XRCC2: variants seen among roughly 807,000 people sequenced by gnomAD.
XRCC2 encodes X-ray repair cross complementing 2.
Under a neutral mutation model 27.3 loss-of-function variants are expected in XRCC2, and 24 were observed. That is an observed-to-expected ratio of 0.88 (90% CI 0.64 to 1.24). The LOEUF is 1.24. Among genes scored for constraint, XRCC2 ranks in the 50% most tolerant of loss-of-function variants. The pLI is 0.00. For synonymous variants in XRCC2, 106 were observed against 115.4 expected, an observed-to-expected ratio of 0.92 and a Z score of 0.52; for missense variants, 321 against 325.8, an observed-to-expected ratio of 0.99 and a Z score of 0.11.
Position 152,676,095 on chromosome 7 carries a change from G to A in XRCC2, c.-16C>T, listed in dbSNP as rs1229277495. 5 of 1,613,604 alleles carry A rather than the reference G, an allele frequency of 3.1e-6. No individual in the cohort carries two copies. Among genetic ancestry groups the A allele is most frequent in the Non-Finnish European group, 4.2e-6 (5 of 1,179,804 alleles). ...CACTACACATCGCCCCGAAGGCTCGGCGCAGGAGAGACTCAACTTTCCCGC... is the reference window on the plus strand; with the variant it reads ...CACTACACATCGCCCCGAAGGCTCGACGCAGGAGAGACTCAACTTTCCCGC... On this transcript the variant is annotated 5_prime_UTR_variant, in exon 1 of 3. Coordinates refer to ENST00000359321, the MANE Select transcript of XRCC2 (RefSeq NM_005431.2).
At chr7:152,657,966 T>TTTTGTTTTTTC (rs1441944509) in intron 2 of XRCC2, among the ~76,000 whole-genome samples, 1 of 123,354 alleles carries the variant, frequency 8.1e-6, no homozygotes, top group African/African-American at 2.9e-5. Flanking sequence ...CTTTGTTTTT[T>TTTTGTTTTTTC]TTTTTCTTTT....
chr7:152,660,439 A>G (rs142134931), intron 2 of XRCC2, among the ~76,000 whole-genome samples: 443 of 152,344 alleles, frequency 2.9e-3, no homozygotes, highest in African/African-American at 0.01. Flanking sequence ...AAACTATAAT[A>G]ACAGGACTTG....
At chr7:152,652,446 G>C (rs965332106) in intron 2 of XRCC2, among the ~76,000 whole-genome samples, 1 of 152,034 alleles carries the variant, frequency 6.6e-6, no homozygotes, top group Non-Finnish European at 1.5e-5. Flanking sequence ...TCCCTCTCCT[G>C]CTCCCATAGA....
intron 1 of XRCC2, among the ~76,000 whole-genome samples, chr7:152,666,951 C>T (rs1413035828): frequency 1.3e-5 from 2 of 151,956 alleles, no homozygotes; most frequent in East Asian, 1.9e-4. Context: ...AGAAAGAGCA[C>T]GTGGAAACAA....
In XRCC2 at chr7:152,648,386, G is replaced by T; in HGVS notation, c.*256C>A. 1 of 248,210 alleles carries T rather than the reference G, an allele frequency of 4.0e-6. No individual in the cohort carries two copies. 15.4% of individuals were successfully genotyped at this position (248,210 alleles called of 1,614,324 possible). On this transcript the variant is annotated 3_prime_UTR_variant, in exon 3 of 3. Coordinates refer to ENST00000359321, the MANE Select transcript of XRCC2 (RefSeq NM_005431.2). ...TGTGCCACTGCACTCCAGCAGCCTG[G>T]GAGACAGAGTAAGACTGTTTCAAAA...
intron 1 of XRCC2, among the ~76,000 whole-genome samples, chr7:152,663,646 C>T (rs1039637386): frequency 6.6e-6 from 1 of 152,134 alleles, no homozygotes; most frequent in African/African-American, 2.4e-5. Context: ...TAAGACCAGC[C>T]TGGGAAACAT....
At position 152,645,620 on chromosome 7, in the gene XRCC2, T is replaced by C. The variant is rs1247456532; in HGVS notation, c.*3022A>G. 1.3e-5 allele frequency: 2 copies of C among 152,262 alleles called. No homozygotes were observed. The highest frequency in any genetic ancestry group is 1.9e-4 in the East Asian group (1 of 5,208). 9.4% of individuals were successfully genotyped at this position (152,262 alleles called of 1,614,324 possible). A position where few individuals can be genotyped will look rare whatever the true frequency, so the allele number is the denominator to read the frequency against. On this transcript the variant is annotated 3_prime_UTR_variant, in exon 3 of 3. Coordinates refer to ENST00000359321, the MANE Select transcript of XRCC2 (RefSeq NM_005431.2). ...TGCTTTTTCATTTTCCTTGCTTTAC[T>C]GTGTTGACACTTTCAGTACAATGTT...
At chr7:152,659,640 G>A (rs1385801921) in intron 2 of XRCC2, among the ~76,000 whole-genome samples, 3 of 127,064 alleles carry the variant, frequency 2.4e-5, no homozygotes, top group African/African-American at 9.9e-5. Context: ...TTATCAAAAA[G>A]ACAGACAATA....
chr7:152,650,554 G>A (rs924330472), intron 2 of XRCC2, among the ~76,000 whole-genome samples: 1 of 152,178 alleles, frequency 6.6e-6, no homozygotes, highest in Non-Finnish European at 1.5e-5. Context: ...GAAACACTAT[G>A]TTAAAATGCC....
chr7:152,660,181 G>A (rs2098032472), intron 2 of XRCC2, among the ~76,000 whole-genome samples: 1 of 152,076 alleles, frequency 6.6e-6, no homozygotes, highest in Non-Finnish European at 1.5e-5. Flanking sequence ...GCTTCTTTAC[G>A]GGGAGATAAA....
intron 2 of XRCC2, among the ~76,000 whole-genome samples, chr7:152,652,305 A>G (rs1449037236): frequency 6.6e-6 from 1 of 151,994 alleles, no homozygotes; most frequent in Non-Finnish European, 1.5e-5. Flanking sequence ...GCCCTCTCTT[A>G]CTATGTTACT....
chr7:152,650,810 T>G (rs961844217), intron 2 of XRCC2, among the ~76,000 whole-genome samples: 1 of 151,952 alleles, frequency 6.6e-6, no homozygotes, highest in Admixed American at 6.6e-5. Context: ...CACTTGAACC[T>G]GGGAGACAGA....
intron 1 of XRCC2, among the ~76,000 whole-genome samples, chr7:152,668,977 CTG>C (rs2098037084): frequency 1.3e-5 from 2 of 152,142 alleles, no homozygotes; most frequent in African/African-American, 4.8e-5. Flanking sequence ...ATCAAGATCT[CTG>C]TGATTCTCAA....
At position 152,663,346 on chromosome 7, in the gene XRCC2, T is replaced by TAAAAAAAAAAAAAAAAA. The variant is rs530664762; in HGVS notation, c.40-2581_40-2565dup. On this transcript the variant is annotated intron_variant, in intron 1 of 2. Transcript: ENST00000359321. ...GCTTTACGTAAGAATGTCTTTGAAGTAAAAAAAAAAAAAAAAAAAAAAAAA... is the reference window on the plus strand; with the variant it reads ...GCTTTACGTAAGAATGTCTTTGAAGTAAAAAAAAAAAAAAAAAAAAAAAAAAAAAAAAAAAAAAAAAA... 1.1e-3 allele frequency among the ~76,000 whole-genome samples: 92 copies of TAAAAAAAAAAAAAAAAA among 80,900 alleles called. 9 individuals are homozygous for TAAAAAAAAAAAAAAAAA. Among genetic ancestry groups the TAAAAAAAAAAAAAAAAA allele is most frequent in the Non-Finnish European group, 1.7e-3 (70 of 40,468 alleles). 53.1% of individuals were successfully genotyped at this position (80,900 alleles called of 152,430 possible).
At chr7:152,652,038 G>A (rs2098028745) in intron 2 of XRCC2, among the ~76,000 whole-genome samples, 2 of 151,768 alleles carry the variant, frequency 1.3e-5, no homozygotes, top group African/African-American at 4.8e-5. Flanking sequence ...GGGCGTGGTA[G>A]CATGTGCCTA....
Position 152,649,250 on chromosome 7 carries a change from A to G in XRCC2, c.235T>C (p.Leu79=). 3 of 1,613,830 alleles carry G rather than the reference A, an allele frequency of 1.9e-6. No homozygotes were observed. The highest frequency in any genetic ancestry group is 2.5e-6 in the Non-Finnish European group (3 of 1,180,024). ...AAGTGGTAATCTGTATCAATAAATA[A>G]GACTTCTACTTCCAGGCCACCTTCT... ...KSEGGLEVEV[L]FIDTDYHFDM... Residue 79 remains leucine (L), a synonymous_variant, in exon 3 of 3, where the codon TTA becomes CTA. Coordinates refer to ENST00000359321, the MANE Select transcript of XRCC2 (RefSeq NM_005431.2).
At chr7:152,655,699 T>C (rs1239976310) in intron 2 of XRCC2, among the ~76,000 whole-genome samples, 1 of 151,012 alleles carries the variant, frequency 6.6e-6, no homozygotes, top group African/African-American at 2.4e-5. Context: ...GCAACAAGAG[T>C]GAGACCCTGT....
chr7:152,667,045 C>G (rs1277514109), intron 1 of XRCC2, among the ~76,000 whole-genome samples: 1 of 152,182 alleles, frequency 6.6e-6, no homozygotes, highest in African/African-American at 2.4e-5. Flanking sequence ...ATTGTTTACT[C>G]TTACTGTCAT....
Position 152,648,588 on chromosome 7 carries a change from G to A in XRCC2, c.*54C>T, listed in dbSNP as rs2116986741. The stretch of plus-strand genomic sequence containing the variant: ...GAGACAGAGCAAGACTCTGTCTTAA[G>A]AAAAATTTTAAGGCTTGCGTAGTAC... On this transcript the variant is annotated 3_prime_UTR_variant, in exon 3 of 3. Transcript: ENST00000359321. 2.6e-6 allele frequency: 4 copies of A among 1,513,220 alleles called. No homozygotes were observed. Among genetic ancestry groups the A allele is most frequent in the Non-Finnish European group, 3.5e-6 (4 of 1,139,228 alleles). The allele number at this position is 1,513,220 out of a possible 1,614,324, so 93.7% of individuals were successfully genotyped here.
Sources: allele counts gnomAD v4.1 joint callset (sites outside exome capture counted in the v4.1 genomes callset), GRCh38; gene constraint gnomAD v4.1.1; transcripts MANE v1.5; gene names NCBI Gene and HGNC (gene_info 2026-07-23, HGNC 2026-07-21).